CSMD2: variants seen among roughly 807,000 people sequenced by gnomAD.
CSMD2 encodes CUB and sushi domain-containing protein 2.
CSMD2 carries 130 observed loss-of-function variants against 398.5 expected under a neutral mutation model. The ratio of observed to expected loss-of-function variants is 0.33; its 90% confidence interval spans 0.28 to 0.38. The LOEUF is 0.38. Ranked by LOEUF, CSMD2 falls within the 10% of genes least tolerant of loss-of-function variation. The probability of loss-of-function intolerance (pLI) is 1.00; values close to 1 mark genes in which losing one functional copy is unlikely to be tolerated. For missense variants in CSMD2, 3,829 were observed against 4,764.9 expected (o/e 0.80, Z 5.78); for synonymous variants, 1,828 against 1,908.5 (o/e 0.96, Z 1.10).
chr1:33,615,243 G>A (rs981134888), intron 39 of CSMD2, among the ~76,000 whole-genome samples: 2 of 152,188 alleles, frequency 1.3e-5, no homozygotes, highest in African/African-American at 2.4e-5. Context: ...TGCCAATCAA[G>A]GTGAATTCAG....
intron 5 of CSMD2, among the ~76,000 whole-genome samples, chr1:33,911,982 C>G (rs964867936): frequency 1.3e-5 from 2 of 152,218 alleles, no homozygotes; most frequent in Non-Finnish European, 2.9e-5. Context: ...TTCCCACCAC[C>G]TCATCTCCTA....
At chr1:33,540,036 C>A (rs745428468) in intron 60 of CSMD2, among the ~76,000 whole-genome samples, 6 of 152,170 alleles carry the variant, frequency 3.9e-5, no homozygotes, top group Non-Finnish European at 7.3e-5. Flanking sequence ...TGACCCAGAA[C>A]CTGCTTACTG....
intron 5 of CSMD2, among the ~76,000 whole-genome samples, chr1:33,855,537 A>C (rs1347641643): frequency 6.6e-6 from 1 of 152,082 alleles, no homozygotes; most frequent in Non-Finnish European, 1.5e-5. Context: ...TATTACTTTT[A>C]TATGATGTCC....
intron 12 of CSMD2, among the ~76,000 whole-genome samples, chr1:33,787,649 T>C (rs1280327215): frequency 1.3e-5 from 2 of 152,188 alleles, no homozygotes; most frequent in Admixed American, 6.5e-5. Flanking sequence ...CTAGACTTGA[T>C]GTGTCTGTCC....
intron 1 of CSMD2, among the ~76,000 whole-genome samples, chr1:34,112,654 T>TTGAA (rs1456035911): frequency 4.6e-5 from 7 of 152,282 alleles, no homozygotes; most frequent in Non-Finnish European, 1.0e-4. Context: ...AAAGTATATG[T>TTGAA]TGAATGAATG....
intron 5 of CSMD2, among the ~76,000 whole-genome samples, chr1:33,888,972 A>G (rs745505427): frequency 2.5e-4 from 38 of 152,182 alleles, no homozygotes; most frequent in African/African-American, 2.4e-4. Context: ...GAGTTTCACC[A>G]TGTTAGCCAG....
At chr1:33,539,594 A>G (rs1656140334) in intron 60 of CSMD2, among the ~76,000 whole-genome samples, 1 of 152,242 alleles carries the variant, frequency 6.6e-6, no homozygotes, top group African/African-American at 2.4e-5. Flanking sequence ...GACACCATCA[A>G]AAGCTGAACT....
chr1:34,084,940 T>C (rs1029335238), intron 2 of CSMD2, among the ~76,000 whole-genome samples: 70 of 152,332 alleles, frequency 4.6e-4, no homozygotes, highest in Admixed American at 1.1e-3. Context: ...CATATGTTTA[T>C]TGCAGCACTA....
intron 6 of CSMD2, among the ~76,000 whole-genome samples, chr1:33,835,537 G>A: frequency 9.3e-6 from 1 of 107,100 alleles, no homozygotes; most frequent in Non-Finnish European, 1.8e-5. Flanking sequence ...GGCATTGGGA[G>A]ATATAACTAA....
intron 6 of CSMD2, among the ~76,000 whole-genome samples, chr1:33,836,360 T>A (rs892885072): frequency 1.3e-5 from 2 of 152,204 alleles, no homozygotes; most frequent in African/African-American, 4.8e-5. Flanking sequence ...TTGAGCTGCG[T>A]GCTGGGAGAA....
intron 4 of CSMD2, among the ~76,000 whole-genome samples, chr1:33,935,369 A>G (rs1644443864): frequency 6.6e-6 from 1 of 152,152 alleles, no homozygotes; most frequent in East Asian, 1.9e-4. Flanking sequence ...TAGGAAAGAG[A>G]AAAGAATAAT....
intron 2 of CSMD2, among the ~76,000 whole-genome samples, chr1:34,061,008 T>C (rs114955075): frequency 1.3e-5 from 2 of 152,100 alleles, no homozygotes; most frequent in Non-Finnish European, 2.9e-5. Flanking sequence ...CCATAATCCG[T>C]AGCCGTGGAA....
At chr1:33,719,676 C>T (rs1207966411) in intron 19 of CSMD2, among the ~76,000 whole-genome samples, 3 of 152,170 alleles carry the variant, frequency 2.0e-5, no homozygotes, top group Non-Finnish European at 2.9e-5. Context: ...TAAGAAACAC[C>T]TGGATCAAAA....
chr1:33,700,155 C>A (rs940432410), intron 23 of CSMD2, among the ~76,000 whole-genome samples: 3 of 152,032 alleles, frequency 2.0e-5, no homozygotes, highest in African/African-American at 4.8e-5. Context: ...ATTACAGGCA[C>A]CCGCCACCAC....
chr1:34,050,095 A>C (rs777021529), intron 2 of CSMD2, among the ~76,000 whole-genome samples: 1 of 152,162 alleles, frequency 6.6e-6, no homozygotes, highest in African/African-American at 2.4e-5. Context: ...TAGAAAATAA[A>C]TTTCTACTGT....
intron 2 of CSMD2, among the ~76,000 whole-genome samples, chr1:34,064,601 G>C (rs761650724): frequency 6.6e-6 from 1 of 152,044 alleles, no homozygotes; most frequent in Admixed American, 6.6e-5. Flanking sequence ...CAAACCTCTA[G>C]GAGGTTCCAA....
intron 5 of CSMD2, among the ~76,000 whole-genome samples, chr1:33,889,124 C>A (rs1458154236): frequency 6.6e-6 from 1 of 152,092 alleles, no homozygotes; most frequent in African/African-American, 2.4e-5. Flanking sequence ...CTGTGAGAGA[C>A]AACAAAGTAA....
Position 33,777,640 on chromosome 1 carries a change from A to G in CSMD2, c.1664-4889T>C, listed in dbSNP as rs151297603. On this transcript the variant is annotated intron_variant, in intron 12 of 70. Coordinates refer to ENST00000373381, the MANE Select transcript of CSMD2 (RefSeq NM_001281956.2). ...GCAATTTCCTGTTATCTGGTTTAAT[A>G]TAATTCCGTTTTATGAGTGTTTCTC... is the stretch of plus-strand genomic sequence containing the variant. Among the ~76,000 whole-genome samples, 79 of 152,328 alleles carry G rather than the reference A, an allele frequency of 5.2e-4. No individual in the cohort carries two copies. The East Asian group carries it at 0.015, about 28-fold the overall frequency.
At chr1:33,760,690 G>A (rs1428174839) in intron 13 of CSMD2, among the ~76,000 whole-genome samples, 1 of 152,096 alleles carries the variant, frequency 6.6e-6, no homozygotes. Context: ...AAGACTCAAC[G>A]CAATGAAGTT....
Sources: gnomAD v4.1 joint callset for allele counts (sites outside exome capture counted in the v4.1 genomes callset) on GRCh38, gnomAD v4.1.1 for gene constraint, MANE v1.5 for transcripts, NCBI Gene and HGNC (gene_info 2026-07-23, HGNC 2026-07-21) for gene names.